The following FOXO4 variants were observed in gnomAD, a reference collection of about 807,000 sequenced individuals.
The protein encoded by FOXO4 is forkhead box protein O4.
A neutral mutation model predicts 20.8 loss-of-function variants in FOXO4; 3 were observed. The ratio of observed to expected loss-of-function variants is 0.14; its 90% CI spans 0.07 to 0.37. The LOEUF (loss-of-function observed/expected upper bound fraction) is 0.37, where lower values mean the gene tolerates loss of function less well. Among genes scored for constraint, FOXO4 ranks in the 10% least tolerant of loss-of-function variants. The pLI is 1.00. For synonymous variants in FOXO4, 158 were observed against 180.0 expected, an observed-to-expected ratio of 0.88 and a Z score of 0.98; for missense variants, 309 against 431.9, an observed-to-expected ratio of 0.72 and a Z score of 2.52.
In FOXO4 at chrX:71,100,847, G is replaced by C. The variant is rs377714255; in HGVS notation, c.617G>C (p.Arg206Pro). The C allele has an allele frequency of 2.5e-6, 3 of 1,209,081 alleles. No homozygotes were observed. The highest frequency in any genetic ancestry group is 3.5e-5 in the African/African-American group (2 of 57,221). ...ATGGATAGCAGCAGCAAGCTGCTCCGGGGCCGCAGTAAAGCCCCCAAGAAG... is the reference window on the plus strand; with the variant it reads ...ATGGATAGCAGCAGCAAGCTGCTCCCGGGCCGCAGTAAAGCCCCCAAGAAG... ...ASMDSSSKLLRGRSKAPKKKP... is the reference protein window; with the variant it reads ...ASMDSSSKLLPGRSKAPKKKP... Residue 206 changes from arginine (R) to proline (P), a missense_variant, in exon 2 of 3, where the codon CGG becomes CCG. By Grantham distance (103) the Arg-to-Pro change is moderately radical. Around this residue, in one of 3 missense-constraint regions of FOXO4, gnomAD observed 223 missense variants for 302.7 expected, o/e 0.74. Coordinates refer to ENST00000374259, the MANE Select transcript of FOXO4 (RefSeq NM_005938.4).
chrX:71,102,184 C>A lies in FOXO4; in HGVS notation c.*100C>A. Reference sequence around the variant, plus strand: ...CCCTCCCCAGGAATTTGGGACCCTGCTTTAGAGCTAGGGTGGGGTCTGGTC... The same window carrying A: ...CCCTCCCCAGGAATTTGGGACCCTGATTTAGAGCTAGGGTGGGGTCTGGTC... On this transcript the variant is annotated 3_prime_UTR_variant, in exon 3 of 3. Transcript: ENST00000374259. 1 of 872,887 alleles carries A rather than the reference C, an allele frequency of 1.1e-6. No individual in the cohort carries two copies. The highest frequency in any genetic ancestry group is 1.7e-6 in the Non-Finnish European group (1 of 599,453). The allele number at this position is 872,887 out of a possible 1,213,427, so 71.9% of individuals were successfully genotyped here.
rs1241375118 is a variant in FOXO4, at chrX:71,100,750, A to G, written c.520A>G (p.Lys174Glu). ...FIKVHNEATG[K>E]SSWWMLNPEG... ...CAAGGTTCACAACGAGGCCACCGGC[A>G]AAAGCTCTTGGTGGATGCTGAACCC... Residue 174 changes from lysine to glutamate, a missense_variant, in exon 2 of 3, where the codon AAA (lysine) becomes GAA (glutamate). This residue lies in a region of FOXO4 where 223 missense variants were observed against 302.7 expected (regional missense o/e 0.74). Transcript: ENST00000374259. The G allele has an allele frequency of 3.3e-6, 4 of 1,209,748 alleles. No individual in the cohort carries two copies.
chrX:71,100,613 G>C, intron 1 of FOXO4, 71 bp from the exon 2 acceptor site: 1 of 850,231 alleles, frequency 1.2e-6, no homozygotes, highest in Non-Finnish European at 1.6e-6. Flanking sequence ...CATCCTCTTA[G>C]ACTTGACCGC....
At chrX:71,099,859 G>A (rs2092226301) in intron 1 of FOXO4, among the ~76,000 whole-genome samples, 1 of 111,594 alleles carries the variant, frequency 9.0e-6, no homozygotes, top group African/African-American at 3.3e-5. Context: ...GATGTGTGTT[G>A]TGGATTGGAA....
At chrX:71,098,221 A>T (rs2092222686) in intron 1 of FOXO4, among the ~76,000 whole-genome samples, 1 of 112,373 alleles carries the variant, frequency 8.9e-6, no homozygotes, top group Non-Finnish European at 1.9e-5. Flanking sequence ...TAAAGTTTTT[A>T]TTTTATTAAT....
In FOXO4 at chrX:71,100,855, A is replaced by G; in HGVS notation, c.625A>G (p.Ser209Gly). 1 of 1,211,130 alleles carries G rather than the reference A, an allele frequency of 8.3e-7. No individual in the cohort carries two copies. Among genetic ancestry groups the G allele is most frequent in the Non-Finnish European group, 1.1e-6 (1 of 894,953 alleles). The change falls in exon 2 of 3, where the codon AGT (serine) becomes GGT (glycine). Residue 209 changes from serine to glycine, a missense_variant. Physicochemically the swap from Ser to Gly is moderately conservative, Grantham distance 56. Transcript: ENST00000374259. ...DSSSKLLRGR[S>G]KAPKKKPSVL... ...CAGCAGCAAGCTGCTCCGGGGCCGC[A>G]GTAAAGCCCCCAAGAAGAAACCATC...
Position 71,102,464 on chromosome X carries a change from G to C in FOXO4, c.*380G>C, listed in dbSNP as rs1012989267. The C allele has an allele frequency of 1.2e-5, 3 of 260,642 alleles. No homozygotes were observed. The highest frequency in any genetic ancestry group is 8.3e-5 in the African/African-American group (3 of 36,292). The allele number at this position is 260,642 out of a possible 1,213,427, so 21.5% of individuals were successfully genotyped here. A position where few individuals can be genotyped will look rare whatever the true frequency, so the allele number is the denominator to read the frequency against. ...CCTTTGGGAGCAGGATTTTTTTGTAGAGAGTCTTATCTGAGCTGAGCCAGG... is the reference window on the plus strand; with the variant it reads ...CCTTTGGGAGCAGGATTTTTTTGTACAGAGTCTTATCTGAGCTGAGCCAGG... On this transcript the variant is annotated 3_prime_UTR_variant, in exon 3 of 3. Coordinates refer to ENST00000374259, the MANE Select transcript of FOXO4 (RefSeq NM_005938.4).
At position 71,102,548 on chromosome X, in the gene FOXO4, T is replaced by TG. The variant is rs1289469571; in HGVS notation, c.*467dup. The stretch of plus-strand genomic sequence containing the variant: ...CCTTAGGCCAGTGATGTGCGGTGGG[T>TG]GGGCTGTTTAGGGGATCTGGAAGGG... On this transcript the variant is annotated 3_prime_UTR_variant, in exon 3 of 3. Transcript: ENST00000374259. 5.2e-6 allele frequency: 1 copy of TG among 190,974 alleles called. No individual in the cohort carries two copies. Among genetic ancestry groups the TG allele is most frequent in the Non-Finnish European group, 9.8e-6 (1 of 102,543 alleles). 15.7% of individuals were successfully genotyped at this position (190,974 alleles called of 1,213,427 possible). A position where few individuals can be genotyped will look rare whatever the true frequency, so the allele number is the denominator to read the frequency against.
Position 71,102,822 on chromosome X carries a change from G to A in FOXO4, c.*738G>A. ...ACAGGGAAGTGGGGAGAGGTGGGGAGTAATAGTAAACACAGGGAAGAGCTC... is the reference window on the plus strand; with the variant it reads ...ACAGGGAAGTGGGGAGAGGTGGGGAATAATAGTAAACACAGGGAAGAGCTC... On this transcript the variant is annotated 3_prime_UTR_variant, in exon 3 of 3. Transcript: ENST00000374259. The A allele has an allele frequency of 5.8e-6, 1 of 172,830 alleles. No homozygotes were observed. Among genetic ancestry groups the A allele is most frequent in the Non-Finnish European group, 1.1e-5 (1 of 89,927 alleles). The allele number at this position is 172,830 out of a possible 1,213,427, so 14.2% of individuals were successfully genotyped here. A position where few individuals can be genotyped will look rare whatever the true frequency, so the allele number is the denominator to read the frequency against.
rs1386064203 is a variant in FOXO4 at position 71,100,790 on chromosome X, G to C, written c.560G>C (p.Ser187Thr). ...WWMLNPEGGK[S>T]GKAPRRRAAS... is the part of the protein sequence containing the mutation. Reference sequence around the variant, plus strand: ...ATGCTGAACCCTGAGGGAGGCAAGAGCGGCAAAGCCCCCCGCCGCCGGGCC... The same window carrying C: ...ATGCTGAACCCTGAGGGAGGCAAGACCGGCAAAGCCCCCCGCCGCCGGGCC... Residue 187 changes from serine (S) to threonine (T), a missense_variant, in exon 2 of 3, where the codon AGC (serine) becomes ACC (threonine). This residue lies in a region of FOXO4 where 223 missense variants were observed against 302.7 expected (regional missense o/e 0.74). Transcript: ENST00000374259. The C allele has an allele frequency of 9.1e-6, 11 of 1,209,409 alleles. No homozygotes were observed. Among genetic ancestry groups the C allele is most frequent in the Admixed American group, 2.2e-5 (1 of 45,773 alleles).
In FOXO4 at chrX:71,101,094, A is replaced by C. The variant is rs769208549; in HGVS notation, c.864A>C (p.Ser288=). The change falls in exon 2 of 3, where the codon TCA becomes TCC. Residue 288 remains serine, a synonymous_variant. Coordinates refer to ENST00000374259, the MANE Select transcript of FOXO4 (RefSeq NM_005938.4). ...SEVLAEEIPA[S]VSSYAGGVPP... is the part of the protein sequence containing the mutation. ...TGCTGGCGGAGGAAATACCAGCTTCAGTCAGCAGTTATGCAGGGGGTGTCC... is the reference window on the plus strand; with the variant it reads ...TGCTGGCGGAGGAAATACCAGCTTCCGTCAGCAGTTATGCAGGGGGTGTCC... 1.7e-6 allele frequency: 2 copies of C among 1,211,990 alleles called. No homozygotes were observed. The highest frequency in any genetic ancestry group is 2.2e-6 in the Non-Finnish European group (2 of 895,520).
chrX:71,098,993 C>T (rs1377335789), intron 1 of FOXO4, among the ~76,000 whole-genome samples: 1 of 111,493 alleles, frequency 9.0e-6, no homozygotes, highest in Non-Finnish European at 1.9e-5. Flanking sequence ...GTCAGAGAAA[C>T]AAGTAGTTTC....
chrX:71,098,739 A>G (rs1375329834), intron 1 of FOXO4, among the ~76,000 whole-genome samples: 4 of 111,199 alleles, frequency 3.6e-5, no homozygotes, highest in Non-Finnish European at 7.6e-5. Flanking sequence ...GGATCTTCTC[A>G]AGTAGATCCA....
In FOXO4 at chrX:71,101,565, C is replaced by T. The variant is rs773459037; in HGVS notation, c.1335C>T (p.Ile445=). The T allele has an allele frequency of 8.3e-7, 1 of 1,211,776 alleles. No homozygotes were observed. Among genetic ancestry groups the T allele is most frequent in the African/African-American group, 1.7e-5 (1 of 57,795 alleles). Residue 445 remains isoleucine, a synonymous_variant, in exon 2 of 3, where the codon ATC becomes ATT. Coordinates refer to ENST00000374259, the MANE Select transcript of FOXO4 (RefSeq NM_005938.4). ...APPPVMASAP[I]PKALGTPVLT... The stretch of plus-strand genomic sequence containing the variant: ...CTCCAGTCATGGCAAGTGCCCCCAT[C>T]CCCAAGGCTCTGGGGACTCCTGTGC...
intron 2 of FOXO4, 55 bp downstream of exon 2, chrX:71,101,795 G>A (rs1213489211): frequency 1.0e-6 from 1 of 986,011 alleles, no homozygotes. Flanking sequence ...ACTCCTAGGT[G>A]CCCAGCTAGT....
chrX:71,096,181 T>G lies in FOXO4; in HGVS notation c.-348T>G. The G allele has an allele frequency of 4.2e-6, 1 of 238,569 alleles. No homozygotes were observed. Among genetic ancestry groups the G allele is most frequent in the East Asian group, 7.1e-5 (1 of 14,005 alleles). The allele number at this position is 238,569 out of a possible 1,213,427, so 19.7% of individuals were successfully genotyped here. On this transcript the variant is annotated 5_prime_UTR_variant, in exon 1 of 3. Transcript: ENST00000374259. ...GGAGGGAACTGCGGCTAAGGAGACG[T>G]TCGGTGATGGGAGCGCAATATATGA...
chrX:71,096,439 G>A lies in FOXO4; in HGVS notation c.-90G>A. ...AAGACTGGCAGGAATGTGCCTCCTG[G>A]CCCTCGATGCTTCCCCCCTGAGGGG... On this transcript the variant is annotated 5_prime_UTR_variant, in exon 1 of 3. Transcript: ENST00000374259. 1 of 830,940 alleles carries A rather than the reference G, an allele frequency of 1.2e-6. No homozygotes were observed. Among genetic ancestry groups the A allele is most frequent in the East Asian group, 3.4e-5 (1 of 29,185 alleles). 68.5% of individuals were successfully genotyped at this position (830,940 alleles called of 1,213,427 possible). A position where few individuals can be genotyped will look rare whatever the true frequency, so the allele number is the denominator to read the frequency against.
Position 71,102,542 on chromosome X carries a change from G to A in FOXO4, c.*458G>A, listed in dbSNP as rs2092234488. On this transcript the variant is annotated 3_prime_UTR_variant, in exon 3 of 3. Coordinates refer to ENST00000374259, the MANE Select transcript of FOXO4 (RefSeq NM_005938.4). The stretch of plus-strand genomic sequence containing the variant: ...GTGGCCCCTTAGGCCAGTGATGTGC[G>A]GTGGGTGGGCTGTTTAGGGGATCTG... The A allele has an allele frequency of 1.0e-5, 2 of 194,032 alleles. No individual in the cohort carries two copies. Among genetic ancestry groups the A allele is most frequent in the South Asian group, 2.2e-4 (1 of 4,544 alleles). 16.0% of individuals were successfully genotyped at this position (194,032 alleles called of 1,213,427 possible).
chrX:71,100,405 C>G (rs1306462762), intron 1 of FOXO4, among the ~76,000 whole-genome samples: 1 of 106,907 alleles, frequency 9.4e-6, no homozygotes, highest in African/African-American at 3.4e-5. Context: ...AGTTTTCCCC[C>G]CTGGATTCAA....
Sources: gnomAD v4.1 joint callset for allele counts (sites outside exome capture counted in the v4.1 genomes callset) on GRCh38, gnomAD v4.1.1 for gene constraint, gnomAD v4.1.1 regional missense constraint, MANE v1.5 for transcripts, NCBI Gene and HGNC (gene_info 2026-07-23, HGNC 2026-07-21) for gene names.